Variants in ST6GALNAC3 observed in about 807,000 individuals in gnomAD.
ST6GALNAC3 encodes alpha-N-acetylgalactosaminide alpha-2,6-sialyltransferase 3.
In ST6GALNAC3, 25 loss-of-function variants were observed where a neutral mutation model predicts 32.7. The ratio of observed to expected loss-of-function variants is 0.76; its 90% CI spans 0.56 to 1.07. The LOEUF (loss-of-function observed/expected upper bound fraction) is 1.07. Ranked by LOEUF, ST6GALNAC3 falls within the 50% of genes least tolerant of loss-of-function variation. The pLI is 0.00. For missense variants in ST6GALNAC3, 355 were observed against 382.4 expected (o/e 0.93, Z 0.60); for synonymous variants, 129 against 133.1 (o/e 0.97, Z 0.21).
chr1:76,497,101 T>C (rs548926692), intron 3 of ST6GALNAC3, among the ~76,000 whole-genome samples: 1 of 152,310 alleles, frequency 6.6e-6, no homozygotes, highest in African/African-American at 2.4e-5. Flanking sequence ...GGAGAGCTGG[T>C]CATGAGTATT....
intron 1 of ST6GALNAC3, among the ~76,000 whole-genome samples, chr1:76,187,748 C>T (rs1396190788): frequency 2.0e-5 from 3 of 151,950 alleles, no homozygotes; most frequent in African/African-American, 7.3e-5. Flanking sequence ...CACACACACG[C>T]ACACACACAC....
chr1:76,525,789 G>GTATATATATA (rs1475642074), intron 3 of ST6GALNAC3, among the ~76,000 whole-genome samples: 30 of 58,938 alleles, frequency 5.1e-4, no homozygotes, highest in South Asian at 9.6e-4. Context: ...GTGTGTGTGT[G>GTATATATATA]TGTATATATA....
At chr1:76,145,925 G>A (rs1650654802) in intron 1 of ST6GALNAC3, among the ~76,000 whole-genome samples, 1 of 152,164 alleles carries the variant, frequency 6.6e-6, no homozygotes, top group Admixed American at 6.5e-5. Context: ...TCTCTGATTA[G>A]CAGGTAACAT....
chr1:76,138,972 A>AT (rs1650125467), intron 1 of ST6GALNAC3, among the ~76,000 whole-genome samples: 1 of 152,106 alleles, frequency 6.6e-6, no homozygotes, highest in Admixed American at 6.5e-5. Flanking sequence ...AGGCGGGCGG[A>AT]TTACGAGGTC....
In ST6GALNAC3 at chr1:76,197,516, G is replaced by A. The variant is rs115423144; in HGVS notation, c.19-116289G>A. Among the ~76,000 whole-genome samples, 1,322 of 152,256 alleles carry A rather than the reference G, an allele frequency of 8.7e-3. 24 individuals are homozygous for A. Among genetic ancestry groups the A allele is most frequent in the African/African-American group, 0.03 (1,245 of 41,544 alleles). On this transcript the variant is annotated intron_variant, in intron 1 of 4. Coordinates refer to ENST00000328299, the MANE Select transcript of ST6GALNAC3 (RefSeq NM_152996.4). ...GGGAAGGCTTTCTAGGGTAAGTGAT[G>A]CCTGAGCTGAAAACTTAGAGGAGGC...
At chr1:76,373,490 C>T (rs1273780289) in intron 2 of ST6GALNAC3, among the ~76,000 whole-genome samples, 1 of 152,280 alleles carries the variant, frequency 6.6e-6, no homozygotes, top group African/African-American at 2.4e-5. Context: ...TTCCCAAGGA[C>T]AGAAGCTTCG....
intron 3 of ST6GALNAC3, among the ~76,000 whole-genome samples, chr1:76,446,028 G>T (rs1309644910): frequency 2.0e-5 from 3 of 152,016 alleles, no homozygotes; most frequent in Non-Finnish European, 4.4e-5. Context: ...TCCCAATATA[G>T]CTTTATCAAA....
chr1:76,632,533 A>G lies in ST6GALNAC3; in HGVS notation c.*3727A>G, dbSNP rs1649349066. ...TTTGCATGATTTTTATTATATAGCT[A>G]CAGAACTGTGACCACTGTGAAAAAG... On this transcript the variant is annotated 3_prime_UTR_variant, in exon 5 of 5. Transcript: ENST00000328299. 6.6e-6 allele frequency: 1 copy of G among 152,186 alleles called. No individual in the cohort carries two copies. Among genetic ancestry groups the G allele is most frequent in the South Asian group, 2.1e-4 (1 of 4,836 alleles). 9.4% of individuals were successfully genotyped at this position (152,186 alleles called of 1,614,324 possible). A position where few individuals can be genotyped will look rare whatever the true frequency, so the allele number is the denominator to read the frequency against.
At chr1:76,492,879 C>A (rs1350295455) in intron 3 of ST6GALNAC3, among the ~76,000 whole-genome samples, 1 of 152,112 alleles carries the variant, frequency 6.6e-6, no homozygotes, top group African/African-American at 2.4e-5. Context: ...TTCACCTGTT[C>A]TACTAACTAT....
intron 2 of ST6GALNAC3, among the ~76,000 whole-genome samples, chr1:76,357,130 C>CT (rs55786044): frequency 1.5e-4 from 17 of 111,186 alleles, no homozygotes; most frequent in African/African-American, 5.4e-4. Flanking sequence ...TTTTCTTTTT[C>CT]TTTTTTTTTT....
chr1:76,352,610 A>C (rs1156827546), intron 2 of ST6GALNAC3, among the ~76,000 whole-genome samples: 1 of 149,118 alleles, frequency 6.7e-6, no homozygotes, highest in East Asian at 2.0e-4. Context: ...GACCTAATCT[A>C]ATTACATTGC....
intron 2 of ST6GALNAC3, among the ~76,000 whole-genome samples, chr1:76,349,079 A>G (rs1446724129): frequency 2.6e-5 from 4 of 152,212 alleles, no homozygotes; most frequent in African/African-American, 9.6e-5. Context: ...CATATTCTCC[A>G]GAGCCTTAAT....
chr1:76,117,219 C>A (rs1030090404), intron 1 of ST6GALNAC3, among the ~76,000 whole-genome samples: 1 of 152,238 alleles, frequency 6.6e-6, no homozygotes, highest in Admixed American at 6.5e-5. Flanking sequence ...TGTAAATGGG[C>A]CTTAAAGCTT....
In ST6GALNAC3 at chr1:76,363,534, T is replaced by G. The variant is rs182217278; in HGVS notation, c.214-48474T>G. On this transcript the variant is annotated intron_variant, in intron 2 of 4. Transcript: ENST00000328299. Reference sequence around the variant, plus strand: ...AGCCCTCCAACTGTTCCAATCTCTATCCATTACCCAGCTCTAAAGTTGTTT... The same window carrying G: ...AGCCCTCCAACTGTTCCAATCTCTAGCCATTACCCAGCTCTAAAGTTGTTT... Among the ~76,000 whole-genome samples, 75 of 152,286 alleles carry G rather than the reference T, an allele frequency of 4.9e-4. 1 individual carries two copies. The East Asian group carries it at 0.014, about 27-fold the overall frequency.
rs1245855446 is a variant in ST6GALNAC3 at position 76,509,949 on chromosome 1, G to C, written c.623+97532G>C. Among the ~76,000 whole-genome samples, 2 of 152,150 alleles carry C rather than the reference G, an allele frequency of 1.3e-5. No homozygotes were observed. Among genetic ancestry groups the C allele is most frequent in the Non-Finnish European group, 2.9e-5 (2 of 68,016 alleles). ...ACATATTCACAGGTTTCAAGTATTA[G>C]AGTGGGGATATCTTTAGGGAGCTAT... On this transcript the variant is annotated intron_variant, in intron 3 of 4. Transcript: ENST00000328299. This position sits in a 1 kb window ranked among gnomAD's most constrained non-coding sequence, Gnocchi z 5.5.
chr1:76,079,805 T>C (rs1381325560), intron 1 of ST6GALNAC3, among the ~76,000 whole-genome samples: 3 of 152,112 alleles, frequency 2.0e-5, no homozygotes, highest in Non-Finnish European at 4.4e-5. Flanking sequence ...GCCCCTTACT[T>C]TCCATCCTTA....
intron 3 of ST6GALNAC3, among the ~76,000 whole-genome samples, chr1:76,589,469 C>T (rs1042651070): frequency 1.2e-4 from 18 of 151,828 alleles, no homozygotes; most frequent in African/African-American, 3.4e-4. Flanking sequence ...CAGCTTTCCA[C>T]AATCCCCTTC....
chr1:76,368,877 A>T (rs1650593838), intron 2 of ST6GALNAC3, among the ~76,000 whole-genome samples: 5 of 152,134 alleles, frequency 3.3e-5, no homozygotes, highest in Admixed American at 3.3e-4. Flanking sequence ...GGAGAATGCC[A>T]TTTGGGCAGT....
intron 3 of ST6GALNAC3, among the ~76,000 whole-genome samples, chr1:76,546,816 A>G (rs779024963): frequency 1.1e-4 from 17 of 152,226 alleles, no homozygotes; most frequent in Non-Finnish European, 2.4e-4. Flanking sequence ...TCCTCTGTGG[A>G]CAGTTGTAGC....
Sources: allele counts gnomAD v4.1 joint callset (sites outside exome capture counted in the v4.1 genomes callset), GRCh38; gene constraint gnomAD v4.1.1; non-coding constraint Gnocchi (gnomAD v3.1); transcripts MANE v1.5; gene names NCBI Gene and HGNC (gene_info 2026-07-23, HGNC 2026-07-21).